Variants in FAM13A observed in about 807,000 individuals in gnomAD.
FAM13A encodes the protein family with sequence similarity 13 member A, also known as protein FAM13A.
FAM13A carries 76 observed loss-of-function variants against 129.6 expected under a neutral mutation model. That is an observed-to-expected ratio of 0.59 (90% CI 0.49 to 0.71). The LOEUF (loss-of-function observed/expected upper bound fraction) is 0.71. Among genes scored for constraint, FAM13A ranks in the 30% least tolerant of loss-of-function variants. The pLI is 0.00. For synonymous variants in FAM13A, 443 were observed against 449.9 expected (o/e 0.98, Z 0.20); for missense variants, 1,108 against 1,249.3 (o/e 0.89, Z 1.70).
Position 88,922,587 on chromosome 4 carries a change from T to C in FAM13A, c.759+15501A>G, listed in dbSNP as rs1039729444. On this transcript the variant is annotated intron_variant, in intron 5 of 23. Transcript: ENST00000264344. The stretch of plus-strand genomic sequence containing the variant: ...GGAAATTTATAGCACTAAATGCCCA[T>C]AAGAGAAAGCAGGAAAGATCCAAAA... 1.6e-3 allele frequency among the ~76,000 whole-genome samples: 237 copies of C among 150,790 alleles called. 3 individuals are homozygous for C. The highest frequency in any genetic ancestry group is 3.1e-3 in the Admixed American group (47 of 15,128).
chr4:88,854,244 T>C (rs1000079969), intron 6 of FAM13A, among the ~76,000 whole-genome samples: 14 of 152,186 alleles, frequency 9.2e-5, no homozygotes, highest in African/African-American at 3.4e-4. Context: ...AGACAAGAAG[T>C]GGGCCCAGGA....
chr4:88,935,890 C>G (rs1416685517), intron 5 of FAM13A, among the ~76,000 whole-genome samples: 1 of 152,052 alleles, frequency 6.6e-6, no homozygotes, highest in Non-Finnish European at 1.5e-5. Flanking sequence ...GTCACATTCT[C>G]TACTTTCTCA....
At chr4:88,870,569 G>T (rs1389866911) in intron 6 of FAM13A, among the ~76,000 whole-genome samples, 2 of 152,228 alleles carry the variant, frequency 1.3e-5, no homozygotes, top group Non-Finnish European at 2.9e-5. Flanking sequence ...CAAGGTGAAA[G>T]CCTGGCTGGG....
chr4:88,819,564 A>G (rs1291339648), intron 7 of FAM13A, among the ~76,000 whole-genome samples: 1 of 152,204 alleles, frequency 6.6e-6, no homozygotes, highest in Non-Finnish European at 1.5e-5. Context: ...TATGAATTGT[A>G]CAAAGAGCCT....
chr4:89,018,807 G>A (rs944949246), intron 3 of FAM13A, among the ~76,000 whole-genome samples: 1 of 152,208 alleles, frequency 6.6e-6, no homozygotes, highest in Non-Finnish European at 1.5e-5. Flanking sequence ...TCTAAAACTC[G>A]TCAAAGAGTC....
At chr4:88,758,928 A>G (rs1490942436) in intron 13 of FAM13A, 27 bp from the exon 14 acceptor site, 1 of 1,607,270 alleles carries the variant, frequency 6.2e-7, no homozygotes, top group Non-Finnish European at 8.5e-7. Flanking sequence ...ATGTCCCCAA[A>G]TATCTACTGC....
chr4:88,981,575 C>A (rs1254351889), intron 4 of FAM13A, among the ~76,000 whole-genome samples: 1 of 152,076 alleles, frequency 6.6e-6, no homozygotes, highest in East Asian at 1.9e-4. Context: ...TGCCTTAGAG[C>A]AGATCCTCAA....
intron 4 of FAM13A, among the ~76,000 whole-genome samples, chr4:88,939,614 T>G (rs1400666762): frequency 6.6e-6 from 1 of 152,184 alleles, no homozygotes; most frequent in Non-Finnish European, 1.5e-5. Flanking sequence ...TCTCCTACAC[T>G]TGGGTGTAGA....
At chr4:88,864,974 T>A (rs191380964) in intron 6 of FAM13A, among the ~76,000 whole-genome samples, 8 of 152,198 alleles carry the variant, frequency 5.3e-5, no homozygotes, top group African/African-American at 1.7e-4. Flanking sequence ...CAACAACTTG[T>A]GAAAAATATC....
rs146136137 is a variant in FAM13A, at chr4:89,024,442, C to T, written c.218-3773G>A. 9.9e-5 allele frequency among the ~76,000 whole-genome samples: 15 copies of T among 152,278 alleles called. No homozygotes were observed. In the East Asian group the frequency reaches 2.9e-3, roughly 29 times the overall value. On this transcript the variant is annotated intron_variant, in intron 2 of 23. Coordinates refer to ENST00000264344, the MANE Select transcript of FAM13A (RefSeq NM_014883.4). ...AAATATCCAAAATCTGCTTAAAGGG[C>T]TTGATATAGGCCTTTCTGTCTTAAA...
At chr4:88,987,327 T>C (rs1245619373) in intron 4 of FAM13A, among the ~76,000 whole-genome samples, 1 of 152,148 alleles carries the variant, frequency 6.6e-6, no homozygotes, top group African/African-American at 2.4e-5. Flanking sequence ...ATCAAACTGA[T>C]AGTGAATAGG....
At chr4:89,012,632 T>C (rs1422410292) in intron 3 of FAM13A, among the ~76,000 whole-genome samples, 1 of 152,204 alleles carries the variant, frequency 6.6e-6, no homozygotes, top group Admixed American at 6.5e-5. Flanking sequence ...TTTTCTCCCA[T>C]GGAGGGCCAC....
chr4:88,895,538 T>C (rs909093333), intron 6 of FAM13A, among the ~76,000 whole-genome samples: 2 of 149,888 alleles, frequency 1.3e-5, no homozygotes, highest in South Asian at 4.2e-4. Context: ...AGGGCTAATA[T>C]CCAGAATCTA....
intron 4 of FAM13A, among the ~76,000 whole-genome samples, chr4:88,988,069 A>G (rs970587339): frequency 1.3e-5 from 2 of 152,164 alleles, no homozygotes; most frequent in Admixed American, 6.5e-5. Context: ...TGTTGCAGCA[A>G]ACCACCATGG....
intron 5 of FAM13A, among the ~76,000 whole-genome samples, chr4:88,923,841 C>A (rs1347033053): frequency 3.9e-5 from 6 of 152,112 alleles, no homozygotes; most frequent in African/African-American, 1.4e-4. Context: ...AGCTGATAAG[C>A]AACTTCAGCA....
At chr4:88,978,836 T>A (rs1398510245) in intron 4 of FAM13A, among the ~76,000 whole-genome samples, 1 of 152,002 alleles carries the variant, frequency 6.6e-6, no homozygotes, top group East Asian at 1.9e-4. Context: ...CACAAATTGA[T>A]ATAAAGAATT....
intron 3 of FAM13A, among the ~76,000 whole-genome samples, chr4:89,003,298 T>A (rs1389899413): frequency 1.4e-5 from 2 of 145,206 alleles, no homozygotes; most frequent in African/African-American, 2.5e-5. Context: ...AAAAAAAAAC[T>A]GCATCAAGTT....
intron 4 of FAM13A, among the ~76,000 whole-genome samples, chr4:88,948,113 A>T (rs964368458): frequency 6.6e-6 from 1 of 152,166 alleles, no homozygotes; most frequent in Admixed American, 6.5e-5. Context: ...ATATAAGATC[A>T]ACCTGGAGGT....
At chr4:89,030,093 A>T (rs1768489946) in intron 1 of FAM13A, among the ~76,000 whole-genome samples, 1 of 152,136 alleles carries the variant, frequency 6.6e-6, no homozygotes, top group African/African-American at 2.4e-5. Flanking sequence ...AGAAAAAAAA[A>T]TTACAATGAC....
Sources: gnomAD v4.1 joint callset for allele counts (sites outside exome capture counted in the v4.1 genomes callset) on GRCh38, gnomAD v4.1.1 for gene constraint, MANE v1.5 for transcripts, NCBI Gene and HGNC (gene_info 2026-07-23, HGNC 2026-07-21) for gene names.